Variants in MRPL1 observed in about 807,000 individuals in gnomAD.
The protein encoded by MRPL1 is mitochondrial ribosomal protein L1.
MRPL1 carries 28 observed loss-of-function variants against 38.0 expected under a neutral mutation model. The ratio of observed to expected loss-of-function variants is 0.74; its 90% CI spans 0.55 to 1.01. The LOEUF is 1.01. MRPL1 is among the 50% of genes least tolerant of loss of function. The pLI is 0.00. For synonymous variants in MRPL1, 123 were observed against 126.7 expected, an observed-to-expected ratio of 0.97 and a Z score of 0.20; for missense variants, 358 against 389.8, an observed-to-expected ratio of 0.92 and a Z score of 0.69.
intron 5 of MRPL1, among the ~76,000 whole-genome samples, chr4:77,891,321 T>C (rs1344814072): frequency 6.6e-6 from 1 of 151,574 alleles, no homozygotes; most frequent in Non-Finnish European, 1.5e-5. Context: ...AGAACTGTCA[T>C]AGCCACTCCT....
rs370619798 is a variant in MRPL1 at position 77,950,440 on chromosome 4, C to T, written c.859+562C>T. ...AGTTTCTTTATCATTGCGTTGTGTGCTGTTCAAATTCCTTCCTCAGACAAA... is the reference window on the plus strand; with the variant it reads ...AGTTTCTTTATCATTGCGTTGTGTGTTGTTCAAATTCCTTCCTCAGACAAA... On this transcript the variant is annotated intron_variant, in intron 8 of 8. Transcript: ENST00000315567. Among the ~76,000 whole-genome samples, 292 of 152,308 alleles carry T rather than the reference C, an allele frequency of 1.9e-3. 1 individual carries two copies. Among genetic ancestry groups the T allele is most frequent in the Non-Finnish European group, 3.0e-3 (206 of 68,016 alleles).
intron 1 of MRPL1, among the ~76,000 whole-genome samples, chr4:77,867,409 TAG>T (rs2110226779): frequency 6.6e-6 from 1 of 152,372 alleles, no homozygotes; most frequent in East Asian, 1.9e-4. Context: ...AATGTTTATT[TAG>T]AGTCTTCACT....
At chr4:77,935,890 C>T (rs1736960420) in intron 7 of MRPL1, among the ~76,000 whole-genome samples, 1 of 150,600 alleles carries the variant, frequency 6.6e-6, no homozygotes, top group South Asian at 2.1e-4. Context: ...CAAGATTGCG[C>T]CACTGCCCTC....
chr4:77,933,381 G>C (rs1195823723), intron 7 of MRPL1, among the ~76,000 whole-genome samples: 1 of 152,180 alleles, frequency 6.6e-6, no homozygotes, highest in Non-Finnish European at 1.5e-5. Context: ...AAAAGTGTCA[G>C]AACTGGGTAA....
intron 7 of MRPL1, among the ~76,000 whole-genome samples, chr4:77,916,224 A>C (rs1736421490): frequency 1.3e-5 from 2 of 152,224 alleles, no homozygotes; most frequent in Admixed American, 1.3e-4. Context: ...TATATAGAAA[A>C]TAATATAGTC....
intron 3 of MRPL1, 64 bp downstream of exon 3, chr4:77,883,564 T>C: frequency 7.2e-7 from 1 of 1,390,594 alleles, no homozygotes; most frequent in African/African-American, 1.5e-5. Context: ...GGTGTTTCTT[T>C]ATTTTATTTT....
chr4:77,867,184 A>G (rs1735166259), intron 1 of MRPL1, among the ~76,000 whole-genome samples: 1 of 152,148 alleles, frequency 6.6e-6, no homozygotes, highest in African/African-American at 2.4e-5. Context: ...TTCCCCCTCT[A>G]GACATAAGCC....
At chr4:77,863,482 T>TTTTTTTTA (rs1735053032) in intron 1 of MRPL1, among the ~76,000 whole-genome samples, 1 of 148,728 alleles carries the variant, frequency 6.7e-6, no homozygotes, top group African/African-American at 2.5e-5. Flanking sequence ...TTTTTTTTTT[T>TTTTTTTTA]GAGACGGCAG....
intron 7 of MRPL1, among the ~76,000 whole-genome samples, chr4:77,933,331 G>A (rs565370591): frequency 1.3e-5 from 2 of 152,242 alleles, no homozygotes; most frequent in East Asian, 3.9e-4. Flanking sequence ...TTTGTCCTCT[G>A]AGGGCTAGTT....
chr4:77,942,134 A>G (rs1373333330), intron 7 of MRPL1, among the ~76,000 whole-genome samples: 1 of 152,126 alleles, frequency 6.6e-6, no homozygotes, highest in Admixed American at 6.6e-5. Context: ...TGTTAACCCT[A>G]TCATCATTCA....
chr4:77,925,357 T>G (rs910729288), intron 7 of MRPL1, among the ~76,000 whole-genome samples: 18 of 151,698 alleles, frequency 1.2e-4, no homozygotes, highest in Non-Finnish European at 2.1e-4. Flanking sequence ...TTTTTTGTTT[T>G]TTTTTCTTTT....
At chr4:77,916,256 CTT>C (rs1736422265) in intron 7 of MRPL1, among the ~76,000 whole-genome samples, 1 of 152,088 alleles carries the variant, frequency 6.6e-6, no homozygotes, top group Non-Finnish European at 1.5e-5. Context: ...ATCCAGATAA[CTT>C]TTGACATTTA....
At chr4:77,894,359 G>T in intron 6 of MRPL1, 109 bp downstream of exon 6, 3 of 643,494 alleles carry the variant, frequency 4.7e-6, no homozygotes, top group Non-Finnish European at 2.6e-6. Flanking sequence ...AGTATGTCCT[G>T]GTATTTGAGT....
At chr4:77,885,075 A>T (rs1560461979) in intron 3 of MRPL1, among the ~76,000 whole-genome samples, 181 bp from the exon 4 acceptor site, 1 of 152,242 alleles carries the variant, frequency 6.6e-6, no homozygotes, top group Non-Finnish European at 1.5e-5. Flanking sequence ...TTGTGCTTTA[A>T]ATTGTAATCG....
At chr4:77,897,654 C>A (rs765327931) in intron 6 of MRPL1, among the ~76,000 whole-genome samples, 1 of 152,156 alleles carries the variant, frequency 6.6e-6, no homozygotes, top group East Asian at 1.9e-4. Context: ...CACTGCTTTC[C>A]GTGAGGAATT....
chr4:77,887,999 C>T (rs536513136), intron 5 of MRPL1, among the ~76,000 whole-genome samples: 71 of 152,198 alleles, frequency 4.7e-4, no homozygotes, highest in African/African-American at 1.6e-3. Flanking sequence ...CATTGATACC[C>T]ATGGACACCT....
At chr4:77,886,366 C>T (rs1215625048) in intron 4 of MRPL1, among the ~76,000 whole-genome samples, 3 of 151,770 alleles carry the variant, frequency 2.0e-5, no homozygotes, top group African/African-American at 7.3e-5. Flanking sequence ...TGGAGTCTTG[C>T]TCTTGTTGCC....
intron 6 of MRPL1, among the ~76,000 whole-genome samples, chr4:77,896,709 C>T (rs1199420833): frequency 6.6e-6 from 1 of 152,170 alleles, no homozygotes; most frequent in East Asian, 1.9e-4. Flanking sequence ...TTTCCCATTT[C>T]CAGTTTTACT....
chr4:77,913,878 G>A (rs1483136095), intron 7 of MRPL1, among the ~76,000 whole-genome samples: 1 of 152,314 alleles, frequency 6.6e-6, no homozygotes, highest in East Asian at 1.9e-4. Flanking sequence ...CATCCTGTAT[G>A]ATTCTTTTTG....
Sources: gnomAD v4.1 joint callset for allele counts (sites outside exome capture counted in the v4.1 genomes callset) on GRCh38, gnomAD v4.1.1 for gene constraint, MANE v1.5 for transcripts, NCBI Gene and HGNC (gene_info 2026-07-23, HGNC 2026-07-21) for gene names.